STK39: variants seen among roughly 807,000 people sequenced by gnomAD.
The protein encoded by STK39 is serine/threonine kinase 39, also known as STE20/SPS1-related proline-alanine-rich protein kinase.
A neutral mutation model predicts 77.8 loss-of-function variants in STK39; 20 were observed. That is an observed-to-expected ratio of 0.26 (90% CI 0.18 to 0.37). The LOEUF (loss-of-function observed/expected upper bound fraction) is 0.37, where lower values mean the gene tolerates loss of function less well. Among genes scored for constraint, STK39 ranks in the 10% least tolerant of loss-of-function variants. The probability of loss-of-function intolerance (pLI) is 1.00; values close to 1 mark genes in which losing one functional copy is unlikely to be tolerated. For synonymous variants in STK39, 246 were observed against 234.1 expected (o/e 1.05, Z -0.47); for missense variants, 479 against 656.5 (o/e 0.73, Z 2.95).
chr2:168,146,196 T>C (rs776840096), intron 5 of STK39, among the ~76,000 whole-genome samples: 1 of 152,232 alleles, frequency 6.6e-6, no homozygotes, highest in Non-Finnish European at 1.5e-5. Flanking sequence ...GGGATTTCCT[T>C]GAGCTTACAG....
intron 16 of STK39, among the ~76,000 whole-genome samples, chr2:167,979,700 C>T (rs1683366934): frequency 6.6e-6 from 1 of 152,234 alleles, no homozygotes; most frequent in Non-Finnish European, 1.5e-5. Flanking sequence ...CCAGCAGCAT[C>T]ATTCTGCATC....
chr2:168,035,762 G>T (rs1684936192), intron 14 of STK39, among the ~76,000 whole-genome samples: 1 of 152,112 alleles, frequency 6.6e-6, no homozygotes, highest in Admixed American at 6.6e-5. Flanking sequence ...AGGATAAGGT[G>T]AGCAAAAAGG....
intron 1 of STK39, among the ~76,000 whole-genome samples, chr2:168,241,108 GAGAAAGA>G (rs1690747221): frequency 6.6e-6 from 1 of 151,230 alleles, no homozygotes; most frequent in Non-Finnish European, 1.5e-5. Flanking sequence ...GTAGCCAGAG[GAGAAAGA>G]AGTAGGGAGA....
chr2:167,965,489 C>G (rs1466740644), intron 16 of STK39, among the ~76,000 whole-genome samples: 2 of 152,192 alleles, frequency 1.3e-5, no homozygotes, highest in Non-Finnish European at 2.9e-5. Flanking sequence ...GTAGAGAAGT[C>G]AGTTTTTTCT....
intron 1 of STK39, among the ~76,000 whole-genome samples, chr2:168,221,827 G>A (rs998914674): frequency 7.6e-6 from 1 of 131,612 alleles, no homozygotes; most frequent in African/African-American, 2.5e-5. Flanking sequence ...ATAAAGAGAT[G>A]GAGGATAATT....
At chr2:168,057,065 C>A (rs918854508) in intron 14 of STK39, among the ~76,000 whole-genome samples, 2 of 152,204 alleles carry the variant, frequency 1.3e-5, no homozygotes, top group African/African-American at 4.8e-5. Context: ...GGACAGGGGA[C>A]TGCCACCTTG....
At chr2:168,194,714 T>A (rs1216936665) in intron 1 of STK39, among the ~76,000 whole-genome samples, 2 of 152,218 alleles carry the variant, frequency 1.3e-5, no homozygotes, top group Non-Finnish European at 2.9e-5. Context: ...GGTAAAGATA[T>A]AAACAAAGCT....
intron 1 of STK39, among the ~76,000 whole-genome samples, chr2:168,240,904 G>A (rs1223899927): frequency 2.6e-5 from 4 of 152,208 alleles, no homozygotes; most frequent in African/African-American, 9.6e-5. Flanking sequence ...ATGAAAGATG[G>A]CACCTAACCC....
chr2:168,013,929 C>T (rs908421066), intron 15 of STK39, among the ~76,000 whole-genome samples: 1 of 152,002 alleles, frequency 6.6e-6, no homozygotes, highest in Non-Finnish European at 1.5e-5. Flanking sequence ...TGCCCAGTGT[C>T]TGACACATAG....
At chr2:168,200,734 C>A (rs1158314300) in intron 1 of STK39, among the ~76,000 whole-genome samples, 2 of 149,212 alleles carry the variant, frequency 1.3e-5, no homozygotes, top group Non-Finnish European at 2.9e-5. Context: ...ACTTAAAAAT[C>A]TATTCTGTTA....
intron 1 of STK39, among the ~76,000 whole-genome samples, chr2:168,230,238 T>G (rs1029998969): frequency 1.3e-5 from 2 of 152,208 alleles, no homozygotes; most frequent in African/African-American, 4.8e-5. Flanking sequence ...TCCTTTCCCT[T>G]TGAATTTGGG....
chr2:168,208,427 A>G (rs561550224), intron 1 of STK39, among the ~76,000 whole-genome samples: 2 of 152,290 alleles, frequency 1.3e-5, no homozygotes, highest in Non-Finnish European at 2.9e-5. Context: ...CTATCCTTAT[A>G]TTTTTAGTCC....
chr2:168,066,993 G>T (rs1424869825), intron 12 of STK39, among the ~76,000 whole-genome samples: 1 of 152,226 alleles, frequency 6.6e-6, no homozygotes, highest in African/African-American at 2.4e-5. Context: ...GATGAGGTGT[G>T]GGTGGGTCAC....
intron 1 of STK39, among the ~76,000 whole-genome samples, chr2:168,211,943 C>T (rs564583011): frequency 3.0e-4 from 45 of 152,290 alleles, no homozygotes; most frequent in African/African-American, 9.6e-4. Flanking sequence ...TGGTTAACTG[C>T]CCCACTCTGT....
chr2:168,142,730 T>A (rs1165863919), intron 5 of STK39, among the ~76,000 whole-genome samples: 2 of 152,206 alleles, frequency 1.3e-5, no homozygotes, highest in African/African-American at 4.8e-5. Context: ...TTTAAAGTCA[T>A]AAACAGATGG....
intron 10 of STK39, among the ~76,000 whole-genome samples, chr2:168,127,658 C>T (rs1517334): frequency 0.8 from 121,762 of 152,140 alleles, 48,690 homozygotes; most frequent in African/African-American, 0.8. Context: ...AGACAGGAAC[C>T]ATTTTTTAAA....
Position 167,964,694 on chromosome 2 carries a change from G to A in STK39, c.1531C>T (p.Pro511Ser), listed in dbSNP as rs1692098282. ...AATGTCAATGTTTTTAAAGCTTTGG[G>A]ATCATCTACAATCTTCTGTAAATTA... Reference protein sequence around the residue: ...AANLQKIVDDPKALKTLTFKL... With the variant: ...AANLQKIVDDSKALKTLTFKL... The change falls in exon 17 of 18, where the codon CCC becomes TCC. Residue 511 changes from proline to serine, a missense_variant. This residue lies in a region of STK39 where 244 missense variants were observed against 296.8 expected (regional missense o/e 0.82). Coordinates refer to ENST00000355999, the MANE Select transcript of STK39 (RefSeq NM_013233.3). 1.2e-6 allele frequency: 2 copies of A among 1,611,014 alleles called. No individual in the cohort carries two copies. Among genetic ancestry groups the A allele is most frequent in the African/African-American group, 2.7e-5 (2 of 74,826 alleles).
chr2:167,989,180 C>A (rs899683928), intron 16 of STK39, among the ~76,000 whole-genome samples: 3 of 152,142 alleles, frequency 2.0e-5, no homozygotes, highest in African/African-American at 7.2e-5. Context: ...GGTCTGTACG[C>A]ACCTGGGGCA....
At chr2:167,978,433 G>C (rs1260010299) in intron 16 of STK39, among the ~76,000 whole-genome samples, 1 of 152,174 alleles carries the variant, frequency 6.6e-6, no homozygotes. Flanking sequence ...AGTCAGGTCT[G>C]ATCTCTTCCA....
Sources: allele counts gnomAD v4.1 joint callset (sites outside exome capture counted in the v4.1 genomes callset), GRCh38; gene constraint gnomAD v4.1.1; regional missense constraint gnomAD v4.1.1; transcripts MANE v1.5; gene names NCBI Gene and HGNC (gene_info 2026-07-23, HGNC 2026-07-21).